DGKD: variants seen among roughly 807,000 people sequenced by gnomAD.
DGKD encodes the protein diacylglycerol kinase delta.
DGKD carries 68 observed loss-of-function variants against 154.4 expected under a neutral mutation model. The observed-to-expected ratio is 0.44, with a 90% confidence interval of 0.36 to 0.54. The LOEUF is 0.54. DGKD is among the 20% of genes least tolerant of loss of function. The pLI, the probability that DGKD is intolerant of heterozygous loss-of-function variation, is 0.00. For synonymous variants in DGKD, 693 were observed against 638.0 expected, an observed-to-expected ratio of 1.09 and a Z score of -1.30; for missense variants, 1,343 against 1,593.6, an observed-to-expected ratio of 0.84 and a Z score of 2.68.
At chr2:233,431,625 A>G (rs552679576) in intron 3 of DGKD, among the ~76,000 whole-genome samples, 1 of 152,348 alleles carries the variant, frequency 6.6e-6, no homozygotes, top group East Asian at 1.9e-4. Context: ...ATAAAAACAG[A>G]CACAGAACAA....
At position 233,438,994 on chromosome 2, in the gene DGKD, C is replaced by T. The variant is rs1431040954; in HGVS notation, c.1085+615C>T. Among the ~76,000 whole-genome samples the T allele has an allele frequency of 1.3e-5, 2 of 152,268 alleles. No individual in the cohort carries two copies. The highest frequency in any genetic ancestry group is 4.8e-5 in the African/African-American group (2 of 41,480). On this transcript the variant is annotated intron_variant, in intron 9 of 29. Coordinates refer to ENST00000264057, the MANE Select transcript of DGKD (RefSeq NM_152879.3). The surrounding 1 kb of genome is among the most constrained non-coding windows in gnomAD (Gnocchi z 4.1). ...CGGCGTTGGGCCAGAGCGATTTCCA[C>T]TGTGCATCAGCAGCACAGAGATTAG...
At chr2:233,431,285 A>G (rs530144186) in intron 3 of DGKD, among the ~76,000 whole-genome samples, 7 of 152,352 alleles carry the variant, frequency 4.6e-5, no homozygotes, top group Admixed American at 6.5e-5. Context: ...AGAGATTTCT[A>G]CAATGAATAC....
rs1005420712 is a variant in DGKD at position 233,470,176 on chromosome 2, C to G, written c.*716C>G. On this transcript the variant is annotated 3_prime_UTR_variant, in exon 30 of 30. Coordinates refer to ENST00000264057, the MANE Select transcript of DGKD (RefSeq NM_152879.3). ...TCTCTCCTCCCGCTCCTCCCTCCCC[C>G]CACTGTGGGCTGGGGACGCCTGCCC... 3 of 152,636 alleles carry G rather than the reference C, an allele frequency of 2.0e-5. No homozygotes were observed. Among genetic ancestry groups the G allele is most frequent in the Non-Finnish European group, 2.9e-5 (2 of 68,254 alleles). The allele number at this position is 152,636 out of a possible 1,614,324, so 9.5% of individuals were successfully genotyped here.
chr2:233,456,883 T>C lies in DGKD; in HGVS notation c.2376-16T>C. 1 of 1,608,520 alleles carries C rather than the reference T, an allele frequency of 6.2e-7. No individual in the cohort carries two copies. The highest frequency in any genetic ancestry group is 8.5e-7 in the Non-Finnish European group (1 of 1,175,038). On this transcript the variant is annotated splice_polypyrimidine_tract_variant and intron_variant, in intron 19 of 29. Coordinates refer to ENST00000264057, the MANE Select transcript of DGKD (RefSeq NM_152879.3). ...GAAAGCCCAGACCTATGGCAAGTCT[T>C]TGCTTCTGTTTCTAGGAGCCGAACC...
At chr2:233,381,356 T>G (rs566257441) in intron 1 of DGKD, among the ~76,000 whole-genome samples, 1 of 152,322 alleles carries the variant, frequency 6.6e-6, no homozygotes, top group East Asian at 1.9e-4. Context: ...ATACAGGAAT[T>G]TACCTTTGCT....
intron 1 of DGKD, among the ~76,000 whole-genome samples, chr2:233,384,797 A>G (rs1703085674): frequency 6.6e-6 from 1 of 151,720 alleles, no homozygotes; most frequent in African/African-American, 2.4e-5. Context: ...TCAGCTTTCC[A>G]GAGTGTATTT....
intron 3 of DGKD, among the ~76,000 whole-genome samples, chr2:233,424,944 T>C (rs959379960): frequency 9.9e-5 from 15 of 152,198 alleles, no homozygotes; most frequent in Non-Finnish European, 2.1e-4. Flanking sequence ...TGTCTCCTTT[T>C]TCACCATGAT....
At chr2:233,432,376 T>G (rs1479152037) in intron 3 of DGKD, among the ~76,000 whole-genome samples, 1 of 131,890 alleles carries the variant, frequency 7.6e-6, no homozygotes, top group Non-Finnish European at 1.6e-5. Context: ...ATACAAAAAA[T>G]TAGCCGGGCG....
chr2:233,384,189 G>A (rs188064637), intron 1 of DGKD, among the ~76,000 whole-genome samples: 4 of 152,124 alleles, frequency 2.6e-5, no homozygotes, highest in African/African-American at 7.2e-5. Context: ...CACCATGTCC[G>A]CTCTGGCAGG....
rs1448814135 is a variant in DGKD, at chr2:233,452,083, G to T, written c.2264+23G>T. On this transcript the variant is annotated intron_variant, in intron 18 of 29. Coordinates refer to ENST00000264057, the MANE Select transcript of DGKD (RefSeq NM_152879.3). The surrounding 1 kb of genome is among the most constrained non-coding windows in gnomAD (Gnocchi z 4.0). ...CCTGTGAGTATGAGGGATAAACCGAGTGGGCATATTGTTACATGGCTGCTA... is the reference window on the plus strand; with the variant it reads ...CCTGTGAGTATGAGGGATAAACCGATTGGGCATATTGTTACATGGCTGCTA... 1 of 1,598,938 alleles carries T rather than the reference G, an allele frequency of 6.3e-7. No individual in the cohort carries two copies. Among genetic ancestry groups the T allele is most frequent in the East Asian group, 2.2e-5 (1 of 44,784 alleles).
chr2:233,462,544 T>A, intron 25 of DGKD, 85 bp downstream of exon 25: 1 of 1,516,932 alleles, frequency 6.6e-7, no homozygotes, highest in Non-Finnish European at 9.1e-7. Flanking sequence ...TTCCCCCGCC[T>A]CCCCGGTGCA....
chr2:233,379,705 A>G (rs750808903), intron 1 of DGKD: 1 of 152,226 alleles, frequency 6.6e-6, no homozygotes, highest in Non-Finnish European at 1.5e-5. Context: ...TGGTGTGCTT[A>G]GGAACCACCT....
rs1559182296 is a variant in DGKD, at chr2:233,462,675, G to A, written c.3126G>A (p.Val1042=). Residue 1042 remains valine (V), a synonymous_variant, in exon 26 of 30, where the codon GTG becomes GTA. Coordinates refer to ENST00000264057, the MANE Select transcript of DGKD (RefSeq NM_152879.3). ...GLNCSFVLEM[V]NNFRALRSET... is the part of the protein sequence containing the mutation. ...ACTGCAGCTTCGTCCTGGAAATGGT[G>A]AATAACTTCAGAGCTCTGCGCAGTG... The A allele has an allele frequency of 6.2e-6, 10 of 1,614,162 alleles. No individual in the cohort carries two copies. Among genetic ancestry groups the A allele is most frequent in the Non-Finnish European group, 8.5e-6 (10 of 1,180,030 alleles).
At chr2:233,423,885 A>C (rs1019732835) in intron 3 of DGKD, among the ~76,000 whole-genome samples, 1 of 152,134 alleles carries the variant, frequency 6.6e-6, no homozygotes, top group Non-Finnish European at 1.5e-5. Flanking sequence ...GGTAAAAAGA[A>C]AACCCAGAGG....
Position 233,398,061 on chromosome 2 carries a change from C to T in DGKD, c.348+7578C>T, listed in dbSNP as rs1051033673. ...TATTGTTTGTTACTACATTTACTTG[C>T]AACCTCCCCTCCCAGCTCCCACCCC... On this transcript the variant is annotated intron_variant, in intron 3 of 29. Transcript: ENST00000264057. 2.7e-5 allele frequency among the ~76,000 whole-genome samples: 4 copies of T among 150,912 alleles called. No homozygotes were observed. The East Asian group carries it at 7.7e-4, about 29-fold the overall frequency.
intron 1 of DGKD, among the ~76,000 whole-genome samples, chr2:233,357,700 T>G (rs115676146): frequency 0.017 from 2,556 of 152,148 alleles, 34 homozygotes; most frequent in Middle Eastern, 0.051. Flanking sequence ...CCATGCTGGC[T>G]AATTTTTGTA....
chr2:233,445,747 C>T lies in DGKD; in HGVS notation c.1319C>T (p.Thr440Ile). ...TTGGAGAAGTTGGAGAGAGCCAGCA[C>T]CAAGATGCTGGACAGGTGAGTGGGG... ...QILEKLERAS[T>I]KMLDRWSVMA... The change falls in exon 11 of 30, where the codon ACC becomes ATC. Residue 440 changes from threonine to isoleucine, a missense_variant. By Grantham distance (89) the Thr-to-Ile change is moderately conservative. This residue lies in a region of DGKD where 409 missense variants were observed against 446.0 expected (regional missense o/e 0.92). Coordinates refer to ENST00000264057, the MANE Select transcript of DGKD (RefSeq NM_152879.3). The surrounding 1 kb of genome is among the most constrained non-coding windows in gnomAD (Gnocchi z 5.5). 6.2e-7 allele frequency: 1 copy of T among 1,612,822 alleles called. No individual in the cohort carries two copies. Among genetic ancestry groups the T allele is most frequent in the Non-Finnish European group, 8.5e-7 (1 of 1,179,360 alleles).
In DGKD at chr2:233,468,464, C is replaced by G. The variant is rs1370145583; in HGVS notation, c.3466C>G (p.His1156Asp). ...GTEEVAAWLE[H>D]LSLCEYKDIF... The stretch of plus-strand genomic sequence containing the variant: ...AGAGGAGGTTGCTGCCTGGCTGGAG[C>G]ACCTCAGTCTCTGTGAGTATAAGGA... Residue 1156 changes from histidine to aspartate, a missense_variant, in exon 29 of 30, where the codon CAC (histidine) becomes GAC (aspartate). Physicochemically the swap from His to Asp is moderately conservative, Grantham distance 81 (BLOSUM62 -1). This residue lies in a region of DGKD where 429 missense variants were observed against 496.3 expected (regional missense o/e 0.86). Transcript: ENST00000264057. The G allele has an allele frequency of 1.1e-5, 17 of 1,613,562 alleles. No individual in the cohort carries two copies. Among genetic ancestry groups the G allele is most frequent in the Non-Finnish European group, 1.4e-5 (16 of 1,179,918 alleles).
At chr2:233,381,486 T>A (rs987430053) in intron 1 of DGKD, among the ~76,000 whole-genome samples, 1 of 152,216 alleles carries the variant, frequency 6.6e-6, no homozygotes, top group Non-Finnish European at 1.5e-5. Flanking sequence ...GTGAATTACT[T>A]AATCCTCTGG....
Sources: allele counts gnomAD v4.1 joint callset (sites outside exome capture counted in the v4.1 genomes callset), GRCh38; gene constraint gnomAD v4.1.1; regional missense constraint gnomAD v4.1.1; non-coding constraint Gnocchi (gnomAD v3.1); transcripts MANE v1.5; gene names NCBI Gene and HGNC (gene_info 2026-07-23, HGNC 2026-07-21).